BICRA: variants seen among roughly 807,000 people sequenced by gnomAD.
The protein encoded by BICRA is BRD4-interacting chromatin-remodeling complex-associated protein.
Under a neutral mutation model 96.9 loss-of-function variants are expected in BICRA, and 31 were observed. That is an observed-to-expected ratio of 0.32 (90% confidence interval 0.24 to 0.43). The LOEUF is 0.43. BICRA is among the 20% of genes least tolerant of loss of function. The pLI is 1.00. For synonymous variants in BICRA, 1,350 were observed against 1,071.8 expected (o/e 1.26, Z -5.07); for missense variants, 2,283 against 2,190.3 (o/e 1.04, Z -0.84).
intron 1 of BICRA, among the ~76,000 whole-genome samples, chr19:47,612,420 A>C (rs377635158): frequency 6.6e-6 from 1 of 152,100 alleles, no homozygotes; most frequent in East Asian, 1.9e-4. Context: ...TCTCAAAAAA[A>C]AAAAATAAAT....
At chr19:47,621,760 C>T (rs1287892378) in intron 1 of BICRA, among the ~76,000 whole-genome samples, 1 of 151,866 alleles carries the variant, frequency 6.6e-6, no homozygotes, top group Non-Finnish European at 1.5e-5. Flanking sequence ...TGAGCCACTG[C>T]ACCCGGCCTG....
intron 7 of BICRA, among the ~76,000 whole-genome samples, chr19:47,693,654 G>A (rs1331775689): frequency 1.3e-5 from 2 of 152,186 alleles, no homozygotes; most frequent in African/African-American, 2.4e-5. Context: ...GGGGCTGGCG[G>A]CTGGGACGCT....
At chr19:47,687,874 C>T (rs1172398530) in intron 7 of BICRA, among the ~76,000 whole-genome samples, 1 of 150,454 alleles carries the variant, frequency 6.6e-6, no homozygotes, top group South Asian at 2.1e-4. Context: ...TATGAAAGTA[C>T]TTGTAGGGTA....
chr19:47,674,573 G>T (rs988184460), intron 4 of BICRA, among the ~76,000 whole-genome samples: 3 of 152,200 alleles, frequency 2.0e-5, no homozygotes, highest in Admixed American at 1.3e-4. Flanking sequence ...TCTGGGAGCA[G>T]CTTAGCTCGG....
chr19:47,629,151 A>G (rs1179596742), intron 1 of BICRA, among the ~76,000 whole-genome samples: 2 of 151,988 alleles, frequency 1.3e-5, no homozygotes, highest in Non-Finnish European at 2.9e-5. Context: ...ACAGGTGCCC[A>G]CCACCACGCC....
chr19:47,689,694 G>A (rs1391788526), intron 7 of BICRA, among the ~76,000 whole-genome samples: 5 of 152,034 alleles, frequency 3.3e-5, no homozygotes, highest in Middle Eastern at 3.2e-3. Context: ...TATTATAGGC[G>A]TGAGCCACCA....
intron 1 of BICRA, among the ~76,000 whole-genome samples, chr19:47,629,048 C>CTGGA (rs538374212): frequency 1.3e-5 from 2 of 152,318 alleles, no homozygotes; most frequent in South Asian, 4.1e-4. Flanking sequence ...GTTGCCCAGG[C>CTGGA]TGGAGTGCAG....
chr19:47,639,629 AT>A (rs55946534), intron 1 of BICRA, among the ~76,000 whole-genome samples: 50 of 105,818 alleles, frequency 4.7e-4, no homozygotes, highest in East Asian at 1.6e-3. Flanking sequence ...CGGCCAGCCA[AT>A]TTTTTTTTTT....
In BICRA at chr19:47,646,446, T is replaced by C. The variant is rs111535981; in HGVS notation, c.-107-23997T>C. On this transcript the variant is annotated intron_variant, in intron 1 of 14. Transcript: ENST00000594866. Reference sequence around the variant, plus strand: ...CGACACACATGCACACAGACACACGTGTGCGCGCACACACACACGGCTGAA... The same window carrying C: ...CGACACACATGCACACAGACACACGCGTGCGCGCACACACACACGGCTGAA... Among the ~76,000 whole-genome samples, 259 of 127,966 alleles carry C rather than the reference T, an allele frequency of 2.0e-3. 1 individual carries two copies. The highest frequency in any genetic ancestry group is 7.1e-3 in the African/African-American group (238 of 33,396). The allele number at this position is 127,966 out of a possible 152,430, so 84.0% of individuals were successfully genotyped here.
At chr19:47,620,553 A>C (rs112136745) in intron 1 of BICRA, among the ~76,000 whole-genome samples, 113 of 151,298 alleles carry the variant, frequency 7.5e-4, no homozygotes, top group African/African-American at 2.7e-3. Context: ...TTGTAGTCCC[A>C]GCAACTTGGG....
chr19:47,667,814 C>T (rs370935384), intron 1 of BICRA, among the ~76,000 whole-genome samples: 17 of 152,288 alleles, frequency 1.1e-4, no homozygotes, highest in East Asian at 7.7e-4. Context: ...CCCAGCCTCG[C>T]GATAGTGCCT....
chr19:47,629,059 T>G (rs1240517684), intron 1 of BICRA, among the ~76,000 whole-genome samples: 1 of 152,210 alleles, frequency 6.6e-6, no homozygotes, highest in East Asian at 1.9e-4. Context: ...TGGAGTGCAG[T>G]GGCACAATCT....
intron 9 of BICRA, 23 bp from the exon 10 acceptor site, chr19:47,695,342 T>TCGGGCCCCCCCCCCCCCCCCCC (rs1973319796): frequency 1.6e-6 from 1 of 630,178 alleles, no homozygotes; most frequent in Non-Finnish European, 2.8e-6. Context: ...AGGCCCTGTC[T>TCGGGCCCCCCCCCCCCCCCCCC]CCCCCACCCC....
chr19:47,628,475 C>T (rs1425367533), intron 1 of BICRA, among the ~76,000 whole-genome samples: 1 of 152,178 alleles, frequency 6.6e-6, no homozygotes, highest in East Asian at 1.9e-4. Context: ...AAATAAGATT[C>T]CTTAGCTCTT....
chr19:47,685,739 C>CTGTGTGTGTG (rs1973135463), intron 7 of BICRA, among the ~76,000 whole-genome samples: 1 of 97,360 alleles, frequency 1.0e-5, no homozygotes, highest in Non-Finnish European at 2.2e-5. Context: ...ATTTGGCAGC[C>CTGTGTGTGTG]TCTGTGTGTG....
In BICRA at chr19:47,680,726, A is replaced by C; in HGVS notation, c.1556A>C (p.Asn519Thr). The change falls in exon 6 of 15, where the codon AAC (asparagine) becomes ACC (threonine). Residue 519 changes from asparagine (N) to threonine (T), a missense_variant. Physicochemically the swap from Asn to Thr is moderately conservative, Grantham distance 65 (BLOSUM62 0). Transcript: ENST00000594866. ...LIANPILTNQ[N>T]LAGPLSLGPV... Reference sequence around the variant, plus strand: ...GCGAACCCCATCCTCACAAACCAGAACCTGGCGGGCCCACTGAGCCTGGGC... The same window carrying C: ...GCGAACCCCATCCTCACAAACCAGACCCTGGCGGGCCCACTGAGCCTGGGC... 6.2e-7 allele frequency: 1 copy of C among 1,602,862 alleles called. No individual in the cohort carries two copies. Among genetic ancestry groups the C allele is most frequent in the Non-Finnish European group, 8.5e-7 (1 of 1,175,716 alleles).
At chr19:47,693,574 C>T (rs781093795) in intron 7 of BICRA, among the ~76,000 whole-genome samples, 24 of 152,236 alleles carry the variant, frequency 1.6e-4, no homozygotes, top group Non-Finnish European at 2.8e-4. Context: ...CCGTGGCCAT[C>T]AACCCCGAGC....
chr19:47,649,090 A>AT (rs1197111214), intron 1 of BICRA, among the ~76,000 whole-genome samples: 1 of 152,006 alleles, frequency 6.6e-6, no homozygotes, highest in Non-Finnish European at 1.5e-5. Flanking sequence ...TGACCTTGTG[A>AT]TCTGCCTGCC....
chr19:47,633,421 G>T (rs1190314624), intron 1 of BICRA, among the ~76,000 whole-genome samples: 4 of 151,954 alleles, frequency 2.6e-5, no homozygotes, highest in African/African-American at 4.8e-5. Flanking sequence ...TTCCAGGCTG[G>T]TCTTGAACTC....
Sources: gnomAD v4.1 joint callset for allele counts (sites outside exome capture counted in the v4.1 genomes callset) on GRCh38, gnomAD v4.1.1 for gene constraint, MANE v1.5 for transcripts, NCBI Gene and HGNC (gene_info 2026-07-23, HGNC 2026-07-21) for gene names.